The following SIPA1L1 variants were observed in gnomAD, a reference collection of about 807,000 sequenced individuals.
SIPA1L1 encodes signal induced proliferation associated 1 like 1.
SIPA1L1 carries 26 observed loss-of-function variants against 162.7 expected under a neutral mutation model. The observed-to-expected ratio is 0.16, with a 90% CI of 0.12 to 0.22. The LOEUF (loss-of-function observed/expected upper bound fraction) is 0.22, where lower values mean the gene tolerates loss of function less well. Ranked by LOEUF, SIPA1L1 falls within the 10% of genes least tolerant of loss-of-function variation. The pLI is 1.00. For missense variants in SIPA1L1, 1,874 were observed against 2,241.0 expected (o/e 0.84, Z 3.31); for synonymous variants, 829 against 837.4 (o/e 0.99, Z 0.17).
intron 7 of SIPA1L1, among the ~76,000 whole-genome samples, chr14:71,627,131 C>CCTTTTTTTTT (rs2040084209): frequency 2.1e-5 from 1 of 48,738 alleles, no homozygotes; most frequent in African/African-American, 8.3e-5. Context: ...ACTTTCACTA[C>CCTTTTTTTTT]TTTTTTTTTT....
In SIPA1L1 at chr14:71,723,633, C is replaced by G; in HGVS notation, c.4209-14C>G. 6.2e-7 allele frequency: 1 copy of G among 1,613,788 alleles called. No individual in the cohort carries two copies. Among genetic ancestry groups the G allele is most frequent in the Non-Finnish European group, 8.5e-7 (1 of 1,179,680 alleles). On this transcript the variant is annotated splice_polypyrimidine_tract_variant and intron_variant, in intron 17 of 23. Transcript: ENST00000381232. ...ATCCTGAGATACACATGTCTTTGCC[C>G]TGCTTCTCCTCAGTACCATGAGCTC...
At chr14:71,358,774 T>A (rs1260974098) in intron 2 of SIPA1L1, among the ~76,000 whole-genome samples, 1 of 152,186 alleles carries the variant, frequency 6.6e-6, no homozygotes, top group Non-Finnish European at 1.5e-5. Flanking sequence ...AGGAAACTTT[T>A]AGTCATGGCA....
At chr14:71,501,350 A>G (rs1238504539) in intron 2 of SIPA1L1, among the ~76,000 whole-genome samples, 1 of 152,020 alleles carries the variant, frequency 6.6e-6, no homozygotes, top group Non-Finnish European at 1.5e-5. Context: ...AAATAAATAT[A>G]TATGAAGAAA....
At chr14:71,433,141 G>C (rs1161039567) in intron 2 of SIPA1L1, among the ~76,000 whole-genome samples, 1 of 152,170 alleles carries the variant, frequency 6.6e-6, no homozygotes, top group African/African-American at 2.4e-5. Flanking sequence ...TAGAGCTAAG[G>C]CTTAGAACTC....
At chr14:71,509,876 T>C (rs2050980187) in intron 2 of SIPA1L1, among the ~76,000 whole-genome samples, 1 of 152,192 alleles carries the variant, frequency 6.6e-6, no homozygotes, top group Admixed American at 6.5e-5. Context: ...AGACAGGAAC[T>C]TCCGTATCAT....
At chr14:71,510,422 A>G (rs1323487100) in intron 2 of SIPA1L1, among the ~76,000 whole-genome samples, 2 of 152,046 alleles carry the variant, frequency 1.3e-5, no homozygotes, top group African/African-American at 4.8e-5. Flanking sequence ...TCATGACCTC[A>G]GGTGATCCAC....
intron 2 of SIPA1L1, among the ~76,000 whole-genome samples, chr14:71,333,677 G>A (rs1212815861): frequency 6.6e-6 from 1 of 152,156 alleles, no homozygotes; most frequent in Non-Finnish European, 1.5e-5. Context: ...TGGCAGATAC[G>A]TTCTCATCCT....
chr14:71,487,867 A>C (rs771309551), intron 2 of SIPA1L1, among the ~76,000 whole-genome samples: 3 of 152,218 alleles, frequency 2.0e-5, no homozygotes, highest in South Asian at 2.1e-4. Flanking sequence ...TAACACTTGA[A>C]TATCTGCTAT....
chr14:71,373,182 G>A (rs574519878), intron 2 of SIPA1L1, among the ~76,000 whole-genome samples: 3 of 151,884 alleles, frequency 2.0e-5, no homozygotes, highest in Admixed American at 6.5e-5. Context: ...ATGGTGGCAC[G>A]TGCCTGTAGT....
chr14:71,325,259 T>TA (rs780464776), intron 2 of SIPA1L1, among the ~76,000 whole-genome samples: 12 of 152,238 alleles, frequency 7.9e-5, no homozygotes, highest in Admixed American at 1.3e-4. Flanking sequence ...TATGCCTAGC[T>TA]AATCAAAAAC....
intron 17 of SIPA1L1, among the ~76,000 whole-genome samples, chr14:71,722,252 G>C (rs1000454154): frequency 2.6e-5 from 4 of 152,204 alleles, no homozygotes; most frequent in Non-Finnish European, 5.9e-5. Flanking sequence ...TTATGAAGGT[G>C]CTTTTTTGTG....
intron 2 of SIPA1L1, among the ~76,000 whole-genome samples, chr14:71,394,971 G>T (rs1460704701): frequency 6.6e-6 from 1 of 152,200 alleles, no homozygotes; most frequent in East Asian, 1.9e-4. Flanking sequence ...TAATAATGGG[G>T]CTGCATTATA....
chr14:71,679,531 A>G (rs1416755556), intron 12 of SIPA1L1, among the ~76,000 whole-genome samples: 3 of 152,192 alleles, frequency 2.0e-5, no homozygotes, highest in African/African-American at 7.2e-5. Context: ...ATGAACTAAC[A>G]AGCAAAATAA....
chr14:71,424,361 GA>G (rs1467366448), intron 2 of SIPA1L1, among the ~76,000 whole-genome samples: 4 of 152,056 alleles, frequency 2.6e-5, no homozygotes, highest in Non-Finnish European at 2.9e-5. Context: ...GATGTTAGAG[GA>G]AAAGCTTTTA....
chr14:71,525,329 C>T (rs2052755906), intron 3 of SIPA1L1, among the ~76,000 whole-genome samples: 1 of 152,062 alleles, frequency 6.6e-6, no homozygotes, highest in Non-Finnish European at 1.5e-5. Context: ...ACTACAGGTG[C>T]CTGCCACCAC....
rs1395556151 is a variant in SIPA1L1, at chr14:71,423,092, T to A, written c.-464-89651T>A. On this transcript the variant is annotated intron_variant, in intron 2 of 23. Coordinates refer to ENST00000381232, the MANE Select transcript of SIPA1L1 (RefSeq NM_001386936.1). ...TGCTTAGTGATGTCGAACATTTTTTTATGTGCTTATTGGCCATTTTAATAT... is the reference window on the plus strand; with the variant it reads ...TGCTTAGTGATGTCGAACATTTTTTAATGTGCTTATTGGCCATTTTAATAT... Among the ~76,000 whole-genome samples, 2 of 152,204 alleles carry A rather than the reference T, an allele frequency of 1.3e-5. 1 individual carries two copies. Among genetic ancestry groups the A allele is most frequent in the East Asian group, 3.8e-4 (2 of 5,202 alleles).
intron 13 of SIPA1L1, among the ~76,000 whole-genome samples, chr14:71,688,553 G>A (rs1419210008): frequency 6.6e-6 from 1 of 152,138 alleles, no homozygotes; most frequent in Non-Finnish European, 1.5e-5. Flanking sequence ...ATGAAATTTA[G>A]TAAAACATAA....
intron 2 of SIPA1L1, among the ~76,000 whole-genome samples, chr14:71,392,652 C>G (rs1173892509): frequency 6.6e-6 from 1 of 152,106 alleles, no homozygotes; most frequent in South Asian, 2.1e-4. Flanking sequence ...CTCAGCCTCC[C>G]GAGTAGCTGG....
rs146276125 is a variant in SIPA1L1, at chr14:71,715,738, T to C, written c.4208+6074T>C. ...TAACAATTTTCTAGTGACTTTTCTT[T>C]TAACAAGCAGGTATCTCCCACAGCT... On this transcript the variant is annotated intron_variant, in intron 17 of 23. Coordinates refer to ENST00000381232, the MANE Select transcript of SIPA1L1 (RefSeq NM_001386936.1). Among the ~76,000 whole-genome samples the C allele has an allele frequency of 3.3e-3, 504 of 152,378 alleles. 4 individuals carry two copies. The highest frequency in any genetic ancestry group is 0.011 in the African/African-American group (463 of 41,584).
Sources: allele counts gnomAD v4.1 joint callset (sites outside exome capture counted in the v4.1 genomes callset), GRCh38; gene constraint gnomAD v4.1.1; transcripts MANE v1.5; gene names NCBI Gene and HGNC (gene_info 2026-07-23, HGNC 2026-07-21).